TMPRSS15: variants seen among roughly 807,000 people sequenced by gnomAD.
The protein encoded by TMPRSS15 is transmembrane serine protease 15, also known as enteropeptidase.
Under a neutral mutation model 125.3 loss-of-function variants are expected in TMPRSS15, and 128 were observed. The observed-to-expected ratio is 1.02, with a 90% CI of 0.89 to 1.18. TMPRSS15 has a LOEUF of 1.18. TMPRSS15 is among the 50% of genes most tolerant of loss of function. TMPRSS15 has a pLI of 0.00. For missense variants in TMPRSS15, 1,283 were observed against 1,212.7 expected (o/e 1.06, Z -0.86); for synonymous variants, 446 against 423.2 (o/e 1.05, Z -0.66).
intron 1 of TMPRSS15, among the ~76,000 whole-genome samples, chr21:18,402,715 G>A (rs2076108205): frequency 6.6e-6 from 1 of 152,074 alleles, no homozygotes; most frequent in Non-Finnish European, 1.5e-5. Flanking sequence ...AAGTTCCAGA[G>A]CGGGATTGTC....
chr21:18,388,421 G>T (rs1220946971), intron 3 of TMPRSS15, among the ~76,000 whole-genome samples: 1 of 152,072 alleles, frequency 6.6e-6, no homozygotes, highest in Non-Finnish European at 1.5e-5. Context: ...TAGCCCACCA[G>T]GCCTATATAT....
upstream of TMPRSS15, among the ~76,000 whole-genome samples, chr21:18,407,435 C>CT (rs1181848689): frequency 1.5e-5 from 2 of 130,282 alleles, no homozygotes; most frequent in African/African-American, 2.9e-5. Context: ...CTTTCTTTTT[C>CT]TTTTTTTCTT....
chr21:18,447,355 G>C (rs910598152), intron 1 of TMPRSS15, among the ~76,000 whole-genome samples: 13 of 143,856 alleles, frequency 9.0e-5, no homozygotes, highest in African/African-American at 2.8e-4. Flanking sequence ...CAGGAGAATT[G>C]CTTGAACCCG....
chr21:18,313,305 G>A (rs921548312), intron 17 of TMPRSS15, among the ~76,000 whole-genome samples: 2 of 151,352 alleles, frequency 1.3e-5, no homozygotes, highest in African/African-American at 2.4e-5. Flanking sequence ...GTGATGGATA[G>A]GTTGATTAGC....
At chr21:18,375,683 C>A (rs2123024031) in intron 5 of TMPRSS15, among the ~76,000 whole-genome samples, 1 of 152,238 alleles carries the variant, frequency 6.6e-6, no homozygotes, top group African/African-American at 2.4e-5. Context: ...TATGAAAACA[C>A]ACCAGTAGAT....
At chr21:18,418,212 T>G (rs1230662711) in intron 1 of TMPRSS15, among the ~76,000 whole-genome samples, 2 of 152,250 alleles carry the variant, frequency 1.3e-5, no homozygotes, top group African/African-American at 4.8e-5. Context: ...TGCTACTAGC[T>G]GGAAGACGAT....
At chr21:18,346,286 C>T (rs1174094896) in intron 10 of TMPRSS15, among the ~76,000 whole-genome samples, 2 of 152,114 alleles carry the variant, frequency 1.3e-5, no homozygotes, top group Non-Finnish European at 2.9e-5. Context: ...CCTAAGGGAT[C>T]ACTTGATCTC....
chr21:18,443,294 T>C (rs1230335095), intron 1 of TMPRSS15, among the ~76,000 whole-genome samples: 1 of 152,058 alleles, frequency 6.6e-6, no homozygotes, highest in Non-Finnish European at 1.5e-5. Flanking sequence ...GAAACCATGC[T>C]GGGATCAATT....
intron 22 of TMPRSS15, among the ~76,000 whole-genome samples, chr21:18,280,596 C>CAAAAAAAAAAAAAA (rs1246672347): frequency 2.9e-5 from 3 of 102,146 alleles, no homozygotes; most frequent in African/African-American, 1.4e-4. Flanking sequence ...AAAAAAAAAA[C>CAAAAAAAAAAAAAA]AACAAAACAA....
At chr21:18,304,442 G>A (rs1306795864) in intron 18 of TMPRSS15, among the ~76,000 whole-genome samples, 1 of 152,090 alleles carries the variant, frequency 6.6e-6, no homozygotes, top group Non-Finnish European at 1.5e-5. Flanking sequence ...TAAGACCTCT[G>A]GGTCTCACTC....
At chr21:18,353,592 A>T (rs1285915985) in intron 9 of TMPRSS15, 131 bp downstream of exon 9, 5 of 752,000 alleles carry the variant, frequency 6.6e-6, no homozygotes, top group Non-Finnish European at 1.1e-5. Context: ...TTCTAAGAAG[A>T]GAAAGATGCA....
At chr21:18,375,846 G>A (rs1057069334) in intron 5 of TMPRSS15, among the ~76,000 whole-genome samples, 3 of 152,138 alleles carry the variant, frequency 2.0e-5, no homozygotes, top group African/African-American at 7.2e-5. Context: ...CTGTGCCTAC[G>A]GAGAGCAGGC....
chr21:18,449,883 A>G (rs1022818662), intron 1 of TMPRSS15, among the ~76,000 whole-genome samples: 5 of 151,472 alleles, frequency 3.3e-5, no homozygotes, highest in African/African-American at 4.8e-5. Context: ...ACACGCACAC[A>G]CACACACACA....
At chr21:18,440,610 C>T (rs1261731014) in intron 1 of TMPRSS15, among the ~76,000 whole-genome samples, 1 of 151,710 alleles carries the variant, frequency 6.6e-6, no homozygotes, top group East Asian at 1.9e-4. Context: ...TAAGTAGCAC[C>T]TATTTTCAAG....
chr21:18,431,604 A>C (rs1470655968), intron 1 of TMPRSS15, among the ~76,000 whole-genome samples: 3 of 152,122 alleles, frequency 2.0e-5, no homozygotes, highest in African/African-American at 7.2e-5. Context: ...TTCTCCAATA[A>C]GAACTTTTTT....
In TMPRSS15 at chr21:18,396,368, C is replaced by T. The variant is rs541747318; in HGVS notation, c.344+1511G>A. 2.3e-4 allele frequency among the ~76,000 whole-genome samples: 35 copies of T among 152,260 alleles called. 1 individual carries two copies. The Middle Eastern group carries it at 0.017, about 74-fold the overall frequency. On this transcript the variant is annotated intron_variant, in intron 3 of 24. Coordinates refer to ENST00000284885, the MANE Select transcript of TMPRSS15 (RefSeq NM_002772.3). ...TCCATTCAAACACATTCCCCAACAC[C>T]TACTAGCTGTGTGATTTGAGGCAAG...
At chr21:18,427,265 G>A (rs1307188354) in intron 1 of TMPRSS15, among the ~76,000 whole-genome samples, 5 of 152,148 alleles carry the variant, frequency 3.3e-5, no homozygotes, top group African/African-American at 4.8e-5. Flanking sequence ...TTTGCCAACA[G>A]AGCCCCAGTT....
intron 3 of TMPRSS15, among the ~76,000 whole-genome samples, chr21:18,384,561 T>G (rs1218850377): frequency 6.6e-6 from 1 of 152,140 alleles, no homozygotes; most frequent in Admixed American, 6.5e-5. Context: ...TGAATAAATT[T>G]TTGGTGAATA....
chr21:18,275,073 A>T, intron 24 of TMPRSS15, 124 bp downstream of exon 24: 1 of 1,326,192 alleles, frequency 7.5e-7, no homozygotes, highest in Non-Finnish European at 1.1e-6. Context: ...GCAAAAAGTA[A>T]CAGTTTTGTA....
Sources: allele counts gnomAD v4.1 joint callset (sites outside exome capture counted in the v4.1 genomes callset), GRCh38; gene constraint gnomAD v4.1.1; transcripts MANE v1.5; gene names NCBI Gene and HGNC (gene_info 2026-07-23, HGNC 2026-07-21).